EHMT1: variants seen among roughly 807,000 people sequenced by gnomAD.
EHMT1 encodes the protein histone-lysine N-methyltransferase EHMT1.
In EHMT1, 15 loss-of-function variants were observed where a neutral mutation model predicts 147.2. The observed-to-expected ratio is 0.10, with a 90% confidence interval of 0.07 to 0.16. The LOEUF is 0.16. Ranked by LOEUF, EHMT1 falls within the 10% of genes least tolerant of loss-of-function variation. The pLI is 1.00. For missense variants in EHMT1, 1,587 were observed against 1,772.4 expected, an observed-to-expected ratio of 0.90 and a Z score of 1.88; for synonymous variants, 795 against 709.6, an observed-to-expected ratio of 1.12 and a Z score of -1.91.
At chr9:137,780,110 T>G (rs1254655576) in intron 14 of EHMT1, among the ~76,000 whole-genome samples, 1 of 139,664 alleles carries the variant, frequency 7.2e-6, no homozygotes, top group African/African-American at 2.8e-5. Context: ...GTGATGACGC[T>G]GGGATGTGTG....
intron 22 of EHMT1, chr9:137,814,810 T>C (rs372235663): frequency 5.8e-4 from 321 of 555,380 alleles, no homozygotes; most frequent in African/African-American, 5.4e-3. Flanking sequence ...GTGCTGCTTA[T>C]GTTGTGTGTA....
intron 1 of EHMT1, among the ~76,000 whole-genome samples, chr9:137,675,802 T>TTTTTTTG (rs35541714): frequency 4.8e-5 from 5 of 104,734 alleles, no homozygotes; most frequent in African/African-American, 2.1e-4. Context: ...TTTTTTTTTT[T>TTTTTTTG]AGACGGAGTC....
intron 13 of EHMT1, among the ~76,000 whole-genome samples, chr9:137,778,441 A>G (rs1388299199): frequency 1.3e-5 from 2 of 152,234 alleles, no homozygotes; most frequent in Non-Finnish European, 2.9e-5. Context: ...GGGGCCCTCC[A>G]GGCTTTCCCG....
Position 137,745,390 on chromosome 9 carries a change from A to G in EHMT1, c.1170+1300A>G, listed in dbSNP as rs568267806. On this transcript the variant is annotated intron_variant, in intron 6 of 26. Transcript: ENST00000460843. ...CTTGATTATTTAAAAATTCGTTGGA[A>G]ATATTACCATTAGATATTTAAAGAG... 7 of 395,972 alleles carry G rather than the reference A, an allele frequency of 1.8e-5. No homozygotes were observed. The Admixed American group carries it at 2.6e-4, about 15-fold the overall frequency. 24.5% of individuals were successfully genotyped at this position (395,972 alleles called of 1,614,324 possible).
chr9:137,660,867 G>T (rs977354789), intron 1 of EHMT1, among the ~76,000 whole-genome samples: 1 of 152,158 alleles, frequency 6.6e-6, no homozygotes, highest in Non-Finnish European at 1.5e-5. Flanking sequence ...TGCTGTTGTA[G>T]AATAACCACA....
At chr9:137,829,089 G>A (rs915164021) in intron 25 of EHMT1, among the ~76,000 whole-genome samples, 15 of 152,212 alleles carry the variant, frequency 9.9e-5, no homozygotes, top group African/African-American at 3.6e-4. Flanking sequence ...TCTCACAGAC[G>A]TTGCCACTGG....
rs1021462492 is a variant in EHMT1, at chr9:137,743,352, C to A, written c.824-19C>A. On this transcript the variant is annotated intron_variant, in intron 4 of 26. Coordinates refer to ENST00000460843, the MANE Select transcript of EHMT1 (RefSeq NM_024757.5). ...CTTTTCCTTTCTTGTCCCCTTTTGA[C>A]TTTTTTTTTTTTTTTTAGCTTGCTT... 2 of 1,492,836 alleles carry A rather than the reference C, an allele frequency of 1.3e-6. No individual in the cohort carries two copies. Among genetic ancestry groups the A allele is most frequent in the Non-Finnish European group, 8.9e-7 (1 of 1,122,188 alleles). 92.5% of individuals were successfully genotyped at this position (1,492,836 alleles called of 1,614,324 possible). A position where few individuals can be genotyped will look rare whatever the true frequency, so the allele number is the denominator to read the frequency against.
intron 1 of EHMT1, among the ~76,000 whole-genome samples, chr9:137,628,604 G>T (rs2133565755): frequency 6.6e-6 from 1 of 152,296 alleles, no homozygotes; most frequent in South Asian, 2.1e-4. Flanking sequence ...CATAAATCTT[G>T]AGAAGCAGAT....
intron 6 of EHMT1, among the ~76,000 whole-genome samples, chr9:137,744,508 CG>C (rs11286312): frequency 0.05 from 7,672 of 152,140 alleles, 637 homozygotes; most frequent in African/African-American, 0.17. Context: ...TTTGTGGAGA[CG>C]GGGACTCGCT....
At chr9:137,668,344 C>G in intron 1 of EHMT1, among the ~76,000 whole-genome samples, 1 of 151,774 alleles carries the variant, frequency 6.6e-6, no homozygotes, top group South Asian at 2.1e-4. Flanking sequence ...CACCCACCCA[C>G]CACCTGGCAC....
Position 137,834,405 on chromosome 9 carries a change from C to G in EHMT1, c.3597C>G (p.Ile1199Met), listed in dbSNP as rs761127077. Reference sequence around the variant, plus strand: ...TCTACGGGAACGTCAGCCGGTTCATCAACCACCACTGCGAGCCCAACCTGG... The same window carrying G: ...TCTACGGGAACGTCAGCCGGTTCATGAACCACCACTGCGAGCCCAACCTGG... ...ARFYGNVSRF[I>M]NHHCEPNLVP... is the part of the protein sequence containing the mutation. Residue 1199 changes from isoleucine to methionine, a missense_variant, in exon 26 of 27, where the codon ATC becomes ATG. Ile to Met is a conservative substitution (Grantham distance 10). Transcript: ENST00000460843. 1.9e-6 allele frequency: 3 copies of G among 1,613,362 alleles called. No individual in the cohort carries two copies. Among genetic ancestry groups the G allele is most frequent in the South Asian group, 2.2e-5 (2 of 91,090 alleles).
rs770691479 is a variant in EHMT1, at chr9:137,680,072, C to G, written c.22-30895C>G. Among the ~76,000 whole-genome samples the G allele has an allele frequency of 1.1e-3, 164 of 152,168 alleles. 2 individuals carry two copies. Among genetic ancestry groups the G allele is most frequent in the Non-Finnish European group, 1.5e-3 (100 of 67,990 alleles). On this transcript the variant is annotated intron_variant, in intron 1 of 26. Coordinates refer to ENST00000460843, the MANE Select transcript of EHMT1 (RefSeq NM_024757.5). ...TATCTGTATCTTGTATTGTATTCCCCCTTCCTGCTGATGCGAAATGCCTCT... is the reference window on the plus strand; with the variant it reads ...TATCTGTATCTTGTATTGTATTCCCGCTTCCTGCTGATGCGAAATGCCTCT...
chr9:137,819,696 C>T (rs1367882100), intron 25 of EHMT1, among the ~76,000 whole-genome samples: 3 of 148,412 alleles, frequency 2.0e-5, no homozygotes, highest in East Asian at 2.1e-4. Flanking sequence ...GGCTGAGGAG[C>T]GGCTGTGTGT....
Position 137,790,934 on chromosome 9 carries a change from G to C in EHMT1, c.2469G>C (p.Lys823Asn). The change falls in exon 16 of 27, where the codon AAG (lysine) becomes AAC (asparagine). Residue 823 changes from lysine (K) to asparagine (N), a missense_variant. Transcript: ENST00000460843. The part of the protein sequence containing the change: ...AAENNHLEAV[K>N]YLIKAGALVD... Reference sequence around the variant, plus strand: ...AAAACAACCATCTGGAAGCAGTGAAGTACCTCATCAAGGCTGGGGCCCTGG... The same window carrying C: ...AAAACAACCATCTGGAAGCAGTGAACTACCTCATCAAGGCTGGGGCCCTGG... The C allele has an allele frequency of 6.2e-7, 1 of 1,614,206 alleles. No individual in the cohort carries two copies. The highest frequency in any genetic ancestry group is 8.5e-7 in the Non-Finnish European group (1 of 1,180,046).
At chr9:137,657,576 A>T (rs1294511781) in intron 1 of EHMT1, among the ~76,000 whole-genome samples, 1 of 151,240 alleles carries the variant, frequency 6.6e-6, no homozygotes, top group East Asian at 1.9e-4. Context: ...TATGGGGTAC[A>T]TGAGATGTTT....
At chr9:137,757,279 C>CAG (rs1588549372) in intron 8 of EHMT1, among the ~76,000 whole-genome samples, 1 of 152,248 alleles carries the variant, frequency 6.6e-6, no homozygotes, top group East Asian at 1.9e-4. Context: ...GTCCTTCTCA[C>CAG]AGCACCCTGC....
chr9:137,755,839 A>C (rs182104822), intron 8 of EHMT1, among the ~76,000 whole-genome samples: 2 of 152,252 alleles, frequency 1.3e-5, no homozygotes, highest in Admixed American at 6.5e-5. Context: ...TTTAGCCTTC[A>C]TTTAGTTTTT....
At chr9:137,713,119 C>G (rs1162470776) in intron 2 of EHMT1, among the ~76,000 whole-genome samples, 1 of 152,010 alleles carries the variant, frequency 6.6e-6, no homozygotes, top group Non-Finnish European at 1.5e-5. Context: ...ATTTTCTTTT[C>G]TTTAGACAGG....
In EHMT1 at chr9:137,713,936, C is replaced by T. The variant is rs143676615; in HGVS notation, c.86-2690C>T. On this transcript the variant is annotated intron_variant, in intron 2 of 26. Coordinates refer to ENST00000460843, the MANE Select transcript of EHMT1 (RefSeq NM_024757.5). ...TTGCACTCCAGCCTGGGTGACACAG[C>T]GAGACTCCATCTCAAAAAATAAAAA... Among the ~76,000 whole-genome samples the T allele has an allele frequency of 2.7e-3, 409 of 152,074 alleles. 1 individual carries two copies. The highest frequency in any genetic ancestry group is 4.5e-3 in the Non-Finnish European group (308 of 67,986).
Sources: gnomAD v4.1 joint callset for allele counts (sites outside exome capture counted in the v4.1 genomes callset) on GRCh38, gnomAD v4.1.1 for gene constraint, MANE v1.5 for transcripts, NCBI Gene and HGNC (gene_info 2026-07-23, HGNC 2026-07-21) for gene names.